The following LOC128092252 variants were observed in gnomAD, a reference collection of about 807,000 sequenced individuals.
the LOC128092252 span, among the ~76,000 whole-genome samples, chr15:50,650,357 A>G: frequency 6.6e-6 from 1 of 152,090 alleles, no homozygotes; most frequent in East Asian, 1.9e-4. Flanking sequence ...AAGGCTTATG[A>G]CAGGGTCCTC....
the LOC128092252 span, among the ~76,000 whole-genome samples, chr15:50,671,786 G>C: frequency 5.0e-4 from 76 of 152,092 alleles, no homozygotes; most frequent in South Asian, 1.2e-3. Flanking sequence ...CTCCAGCCTG[G>C]GTGAGAGAAC....
chr15:50,671,403 AATG>A, the LOC128092252 span, among the ~76,000 whole-genome samples: 17 of 152,176 alleles, frequency 1.1e-4, no homozygotes, highest in African/African-American at 4.1e-4. Flanking sequence ...TTTAAGATTG[AATG>A]ATATTCCTTT....
At chr15:50,662,845 T>C in the LOC128092252 span, 29 of 745,274 alleles carry the variant, frequency 3.9e-5, no homozygotes, top group Non-Finnish European at 4.7e-5. Context: ...TAACAGTAAT[T>C]ATAAAAAGTA....
At chr15:50,674,575 A>G in the LOC128092252 span, among the ~76,000 whole-genome samples, 2 of 152,204 alleles carry the variant, frequency 1.3e-5, no homozygotes, top group African/African-American at 4.8e-5. Context: ...TGATTTGCAT[A>G]CCACCATTAT....
the LOC128092252 span, among the ~76,000 whole-genome samples, chr15:50,677,252 T>TC: frequency 9.9e-5 from 15 of 151,978 alleles, no homozygotes; most frequent in East Asian, 2.9e-3. Context: ...AGGACATAAA[T>TC]CCTATCAGAC....
the LOC128092252 span, chr15:50,648,907 A>C: frequency 3.8e-6 from 6 of 1,571,064 alleles, no homozygotes; most frequent in Non-Finnish European, 4.3e-6. Flanking sequence ...AGGTGAGATT[A>C]AAACACCCTT....
the LOC128092252 span, among the ~76,000 whole-genome samples, chr15:50,658,474 G>A: frequency 0.14 from 20,884 of 151,762 alleles, 1,472 homozygotes; most frequent in Middle Eastern, 0.2. Context: ...GGAGGCTGAG[G>A]TGGGAGGATT....
At chr15:50,659,963 C>G in the LOC128092252 span, among the ~76,000 whole-genome samples, 1 of 152,154 alleles carries the variant, frequency 6.6e-6, no homozygotes, top group Non-Finnish European at 1.5e-5. Context: ...CCACACCCGA[C>G]CAACAAAATC....
At chr15:50,679,651 C>T in the LOC128092252 span, among the ~76,000 whole-genome samples, 1 of 149,480 alleles carries the variant, frequency 6.7e-6, no homozygotes, top group African/African-American at 2.5e-5. Flanking sequence ...TTCTCATGCC[C>T]CAGTCTCACA....
the LOC128092252 span, among the ~76,000 whole-genome samples, chr15:50,677,485 A>G: frequency 6.6e-6 from 1 of 152,070 alleles, no homozygotes; most frequent in Non-Finnish European, 1.5e-5. Context: ...TCACACCTAT[A>G]ATCCCAGCAC....
chr15:50,670,415 G>A, the LOC128092252 span, among the ~76,000 whole-genome samples: 10 of 152,054 alleles, frequency 6.6e-5, no homozygotes, highest in Non-Finnish European at 2.9e-5. Context: ...TGATAAAACA[G>A]GTTGCACTAA....
At chr15:50,657,768 A>T in the LOC128092252 span, 1 of 1,610,856 alleles carries the variant, frequency 6.2e-7, no homozygotes, top group Non-Finnish European at 8.5e-7. Context: ...CGGTATAGTT[A>T]TGTTAAACTT....
chr15:50,683,037 C>T, the LOC128092252 span, among the ~76,000 whole-genome samples: 1 of 152,000 alleles, frequency 6.6e-6, no homozygotes, highest in South Asian at 2.1e-4. Context: ...TGCGCATCAC[C>T]ATGCCCAGCT....
the LOC128092252 span, chr15:50,663,187 G>A: frequency 1.6e-6 from 1 of 635,924 alleles, no homozygotes; most frequent in African/African-American, 1.8e-5. Context: ...GGAGAGCAAT[G>A]GTGTGATCTT....
chr15:50,651,551 C>T, the LOC128092252 span, among the ~76,000 whole-genome samples: 4 of 152,100 alleles, frequency 2.6e-5, no homozygotes, highest in African/African-American at 9.7e-5. Flanking sequence ...AATCCCAGCA[C>T]TTTGGGAGGC....
the LOC128092252 span, among the ~76,000 whole-genome samples, chr15:50,682,218 A>G: frequency 1.4e-5 from 2 of 147,670 alleles, no homozygotes; most frequent in South Asian, 4.4e-4. Flanking sequence ...AAAATATGTC[A>G]AGAGTCAAGT....
the LOC128092252 span, among the ~76,000 whole-genome samples, chr15:50,651,438 G>T: frequency 0.08 from 12,124 of 152,082 alleles, 789 homozygotes; most frequent in African/African-American, 0.18. Context: ...GAGGTCAGGA[G>T]ATCGAGACCA....
the LOC128092252 span, among the ~76,000 whole-genome samples, chr15:50,673,514 T>C: frequency 1.8e-4 from 27 of 152,168 alleles, 1 homozygote; most frequent in Admixed American, 1.3e-4. Context: ...AGTGGGAACA[T>C]ATGATGTTTG....
the LOC128092252 span, among the ~76,000 whole-genome samples, chr15:50,668,164 T>C: frequency 6.6e-6 from 1 of 152,186 alleles, no homozygotes; most frequent in East Asian, 1.9e-4. Flanking sequence ...TCACAGGTGC[T>C]CTTAAATGCA....
Sources: allele counts gnomAD v4.1 joint callset (sites outside exome capture counted in the v4.1 genomes callset), GRCh38; gene constraint gnomAD v4.1.1; transcripts MANE v1.5.